TELO2: variants seen among roughly 807,000 people sequenced by gnomAD.
TELO2 encodes the protein telomere maintenance 2.
TELO2 carries 71 observed loss-of-function variants against 91.0 expected under a neutral mutation model. That is an observed-to-expected ratio of 0.78 (90% CI 0.64 to 0.95). TELO2 has a LOEUF of 0.95. Among genes scored for constraint, TELO2 ranks in the 40% least tolerant of loss-of-function variants. The pLI is 0.00. For synonymous variants in TELO2, 584 were observed against 518.9 expected, an observed-to-expected ratio of 1.13 and a Z score of -1.71; for missense variants, 1,183 against 1,141.3, an observed-to-expected ratio of 1.04 and a Z score of -0.53.
At chr16:1,502,550 T>A in intron 13 of TELO2, 95 bp from the exon 14 acceptor site, 1 of 1,529,378 alleles carries the variant, frequency 6.5e-7, no homozygotes, top group Non-Finnish European at 8.8e-7. Flanking sequence ...CTGGGGCCTC[T>A]GCTGGGGTGG....
At position 1,500,149 on chromosome 16, in the gene TELO2, C is replaced by T; in HGVS notation, c.987C>T (p.Arg329=). 4.4e-6 allele frequency: 7 copies of T among 1,606,370 alleles called. No individual in the cohort carries two copies. Among genetic ancestry groups the T allele is most frequent in the Non-Finnish European group, 5.9e-6 (7 of 1,179,098 alleles). The part of the protein sequence containing the change: ...LGHLAMDSQR[R]PLLLQVLKEL... ...ATCTGGCCATGGACAGCCAGCGGCG[C>T]CCGCTCCTGCTGCAGGTACGTGCCT... Residue 329 remains arginine (R), a synonymous_variant, in exon 7 of 21, where the codon CGC becomes CGT. Transcript: ENST00000262319.
rs1442372488 is a variant in TELO2, at chr16:1,497,204, C to T, written c.682+100C>T. ...AATCCCTCCTGACCCTGGCCCTCTG[C>T]AGGGTCCCCTTGCCCGGTCCTGTCC... is the stretch of plus-strand genomic sequence containing the variant. On this transcript the variant is annotated intron_variant, in intron 4 of 20. Coordinates refer to ENST00000262319, the MANE Select transcript of TELO2 (RefSeq NM_016111.4). This position sits in a 1 kb window ranked among gnomAD's most constrained non-coding sequence, Gnocchi z 4.0. 2 of 1,544,786 alleles carry T rather than the reference C, an allele frequency of 1.3e-6. No individual in the cohort carries two copies. The highest frequency in any genetic ancestry group is 1.4e-5 in the African/African-American group (1 of 73,256).
At chr16:1,506,721 G>A in intron 17 of TELO2, 7 of 1,392,788 alleles carry the variant, frequency 5.0e-6, no homozygotes, top group Non-Finnish European at 6.5e-6. Flanking sequence ...TGCAGCAGGG[G>A]TGGGGGTCTC....
chr16:1,504,509 CA>C (rs1414066901), intron 15 of TELO2, among the ~76,000 whole-genome samples: 1 of 134,122 alleles, frequency 7.5e-6, no homozygotes, highest in Non-Finnish European at 1.6e-5. Flanking sequence ...CACAATAAAG[CA>C]AAAAAGACTG....
Position 1,494,600 on chromosome 16 carries a change from A to G in TELO2, c.319A>G (p.Ile107Val). The G allele has an allele frequency of 6.2e-7, 1 of 1,612,802 alleles. No homozygotes were observed. The highest frequency in any genetic ancestry group is 8.5e-7 in the Non-Finnish European group (1 of 1,179,462). Reference sequence around the variant, plus strand: ...AGCCTTCCTGGTGTTGATGGAGACCATCGAGGGTGCTGCGGGGTGAGTGGG... The same window carrying G: ...AGCCTTCCTGGTGTTGATGGAGACCGTCGAGGGTGCTGCGGGGTGAGTGGG... ...DQAFLVLMET[I>V]EGAAGPSFRL... The change falls in exon 2 of 21, where the codon ATC becomes GTC. Residue 107 changes from isoleucine (I) to valine (V), a missense_variant. Transcript: ENST00000262319. This position sits in a 1 kb window ranked among gnomAD's most constrained non-coding sequence, Gnocchi z 5.6.
At chr16:1,500,794 GT>G in intron 9 of TELO2, 95 bp downstream of exon 9, 1 of 1,525,430 alleles carries the variant, frequency 6.6e-7, no homozygotes, top group South Asian at 1.2e-5. Flanking sequence ...TCTTCCCGGG[GT>G]CCAGACTTGC....
Position 1,497,131 on chromosome 16 carries a change from A to G in TELO2, c.682+27A>G. 1 of 1,613,056 alleles carries G rather than the reference A, an allele frequency of 6.2e-7. No individual in the cohort carries two copies. Among genetic ancestry groups the G allele is most frequent in the South Asian group, 1.1e-5 (1 of 90,998 alleles). On this transcript the variant is annotated intron_variant, in intron 4 of 20. Transcript: ENST00000262319. The surrounding 1 kb of genome is among the most constrained non-coding windows in gnomAD (Gnocchi z 4.0). ...TGAGTAGAGCAGTGCCTTCCTGCCC[A>G]TCCTGCCCCGACCCTCACAGCCCAT...
chr16:1,502,174 A>G, intron 12 of TELO2, 39 bp downstream of exon 12: 1 of 1,609,704 alleles, frequency 6.2e-7, no homozygotes, highest in Non-Finnish European at 8.5e-7. Flanking sequence ...TGGGCTGGGC[A>G]TGGGTCCCGC....
intron 20 of TELO2, among the ~76,000 whole-genome samples, chr16:1,508,277 T>C (rs1223204018): frequency 6.6e-6 from 1 of 152,050 alleles, no homozygotes; most frequent in Non-Finnish European, 1.5e-5. Flanking sequence ...GGATTACAGG[T>C]GCCCACCACT....
At chr16:1,500,075 A>G (rs771167392) in intron 6 of TELO2, 21 bp from the exon 7 acceptor site, 38 of 1,603,888 alleles carry the variant, frequency 2.4e-5, no homozygotes, top group Admixed American at 3.4e-5. Flanking sequence ...CCCAGTGGAC[A>G]GGCATGTGCT....
intron 5 of TELO2, among the ~76,000 whole-genome samples, chr16:1,498,569 C>T (rs1479234331): frequency 3.3e-5 from 5 of 152,210 alleles, no homozygotes; most frequent in South Asian, 4.1e-4. Flanking sequence ...TCCTGAGTAG[C>T]GGGAACACAG....
rs772191965 is a variant in TELO2, at chr16:1,500,393, G to A, written c.1049G>A (p.Arg350His). The A allele has an allele frequency of 2.9e-5, 47 of 1,598,968 alleles. No individual in the cohort carries two copies. Among genetic ancestry groups the A allele is most frequent in the Non-Finnish European group, 3.4e-5 (40 of 1,174,628 alleles). Residue 350 changes from arginine to histidine, a missense_variant, in exon 8 of 21, where the codon CGC becomes CAC. Arg to His is a conservative substitution (Grantham distance 29, BLOSUM62 0). Transcript: ENST00000262319. The stretch of plus-strand genomic sequence containing the variant: ...ACGTGGGGCAGCAGCAGTGCCATCC[G>A]CCACACTCCCCTGCCGCAGCAGCGC... ...LETWGSSSAI[R>H]HTPLPQQRHV...
At chr16:1,504,454 AAGG>A (rs2039813311) in intron 15 of TELO2, among the ~76,000 whole-genome samples, 1 of 148,494 alleles carries the variant, frequency 6.7e-6, no homozygotes, top group Non-Finnish European at 1.5e-5. Context: ...AAAAAAAAAA[AAGG>A]GAGGGGAGGG....
chr16:1,497,143 C>A lies in TELO2; in HGVS notation c.682+39C>A, dbSNP rs751506551. On this transcript the variant is annotated intron_variant, in intron 4 of 20. Coordinates refer to ENST00000262319, the MANE Select transcript of TELO2 (RefSeq NM_016111.4). The surrounding 1 kb of genome is among the most constrained non-coding windows in gnomAD (Gnocchi z 4.0). ...TGCCTTCCTGCCCATCCTGCCCCGACCCTCACAGCCCATCAGCCTTCTGCA... is the reference window on the plus strand; with the variant it reads ...TGCCTTCCTGCCCATCCTGCCCCGAACCTCACAGCCCATCAGCCTTCTGCA... 7.5e-6 allele frequency: 12 copies of A among 1,610,566 alleles called. 1 individual carries two copies. In the South Asian group the frequency reaches 1.3e-4, roughly 18 times the overall value.
In TELO2 at chr16:1,495,356, C is replaced by A; in HGVS notation, c.346C>A (p.Arg116=). 1.3e-6 allele frequency: 2 copies of A among 1,548,330 alleles called. No homozygotes were observed. Among genetic ancestry groups the A allele is most frequent in the Non-Finnish European group, 1.7e-6 (2 of 1,144,718 alleles). The change falls in exon 3 of 21, where the codon CGG becomes AGG. Residue 116 remains arginine (R), a synonymous_variant. Coordinates refer to ENST00000262319, the MANE Select transcript of TELO2 (RefSeq NM_016111.4). ...TIEGAAGPSF[R]LMKMARLLAR... is the part of the protein sequence containing the mutation. ...CGCCCGTATCTTCAGCCCCAGCTTC[C>A]GGCTGATGAAGATGGCGCGGCTGCT...
At position 1,501,682 on chromosome 16, in the gene TELO2, A is replaced by G. The variant is rs570962268; in HGVS notation, c.1381A>G (p.Thr461Ala). The G allele has an allele frequency of 8.7e-6, 14 of 1,610,000 alleles. No individual in the cohort carries two copies. The highest frequency in any genetic ancestry group is 1.3e-5 in the African/African-American group (1 of 74,852). ...TTAAAGCACGTCCCTCGTTCCAGCC[A>G]CGGCAGAGCCCCCTGCAGAGACCCC... is the stretch of plus-strand genomic sequence containing the variant. ...SEAGTSLVPA[T>A]AEPPAETPAE... The change falls in exon 11 of 21, where the codon ACG (threonine) becomes GCG (alanine). Residue 461 changes from threonine (T) to alanine (A), a missense_variant. Physicochemically the swap from Thr to Ala is moderately conservative, Grantham distance 58 (BLOSUM62 0). Transcript: ENST00000262319.
At position 1,494,368 on chromosome 16, in the gene TELO2, C is replaced by G. The variant is rs934106371; in HGVS notation, c.87C>G (p.Phe29Leu). Reference protein sequence around the residue: ...LSSSEDGGHIFCTLESLKRYL... With the variant: ...LSSSEDGGHILCTLESLKRYL... ...CTTCGGAGGATGGCGGCCACATCTT[C>G]TGCACCCTGGAGTCCCTGAAGCGGT... is the stretch of plus-strand genomic sequence containing the variant. Residue 29 changes from phenylalanine to leucine, a missense_variant, in exon 2 of 21, where the codon TTC (phenylalanine) becomes TTG (leucine). By Grantham distance (22) the Phe-to-Leu change is conservative. Coordinates refer to ENST00000262319, the MANE Select transcript of TELO2 (RefSeq NM_016111.4). This position sits in a 1 kb window ranked among gnomAD's most constrained non-coding sequence, Gnocchi z 5.6. The G allele has an allele frequency of 6.2e-7, 1 of 1,613,532 alleles. No individual in the cohort carries two copies. Among genetic ancestry groups the G allele is most frequent in the African/African-American group, 1.3e-5 (1 of 74,874 alleles).
chr16:1,502,235 G>C, intron 12 of TELO2, 78 bp from the exon 13 acceptor site: 1 of 1,568,664 alleles, frequency 6.4e-7, no homozygotes, highest in Non-Finnish European at 8.6e-7. Flanking sequence ...TGGGCCCGGG[G>C]TGCCGCCCGT....
At chr16:1,499,185 G>A (rs2039591165) in intron 5 of TELO2, 46 bp from the exon 6 acceptor site, 1 of 1,604,682 alleles carries the variant, frequency 6.2e-7, no homozygotes, top group Admixed American at 1.7e-5. Context: ...GCTCCTCCCT[G>A]TCTCCAGGCC....
Sources: gnomAD v4.1 joint callset for allele counts (sites outside exome capture counted in the v4.1 genomes callset) on GRCh38, gnomAD v4.1.1 for gene constraint, Gnocchi (gnomAD v3.1) non-coding constraint, MANE v1.5 for transcripts, NCBI Gene and HGNC (gene_info 2026-07-23, HGNC 2026-07-21) for gene names.